Variants in RXFP1 observed in about 807,000 individuals in gnomAD.
The protein encoded by RXFP1 is relaxin receptor 1.
Under a neutral mutation model 89.8 loss-of-function variants are expected in RXFP1, and 73 were observed. The ratio of observed to expected loss-of-function variants is 0.81; its 90% CI spans 0.67 to 0.99. The LOEUF (loss-of-function observed/expected upper bound fraction) is 0.99. Among genes scored for constraint, RXFP1 ranks in the 50% least tolerant of loss-of-function variants. The probability of loss-of-function intolerance (pLI) is 0.00; values close to 1 mark genes in which losing one functional copy is unlikely to be tolerated. For synonymous variants in RXFP1, 277 were observed against 305.5 expected (o/e 0.91, Z 0.97); for missense variants, 793 against 895.5 (o/e 0.89, Z 1.46).
At chr4:158,626,120 A>C (rs958998580) in intron 9 of RXFP1, among the ~76,000 whole-genome samples, 20 of 63,552 alleles carry the variant, frequency 3.1e-4, no homozygotes, top group Non-Finnish European at 8.3e-4. Context: ...ATATAGATAG[A>C]TAGATAGATA....
chr4:158,653,357 A>AT lies in RXFP1; in HGVS notation c.*1305dup, dbSNP rs1283571839. On this transcript the variant is annotated 3_prime_UTR_variant, in exon 18 of 18. Transcript: ENST00000307765. ...TTGTTCTGAAAATAAATTATCTGAA[A>AT]TTTAACTATTAAAAATGGATTGCTT... 1 of 152,064 alleles carries AT rather than the reference A, an allele frequency of 6.6e-6. No individual in the cohort carries two copies. Among genetic ancestry groups the AT allele is most frequent in the Admixed American group, 6.6e-5 (1 of 15,260 alleles). The allele number at this position is 152,064 out of a possible 1,614,324, so 9.4% of individuals were successfully genotyped here. A position where few individuals can be genotyped will look rare whatever the true frequency, so the allele number is the denominator to read the frequency against.
intron 13 of RXFP1, among the ~76,000 whole-genome samples, chr4:158,638,967 T>A (rs1033480844): frequency 6.6e-6 from 1 of 152,208 alleles, no homozygotes; most frequent in South Asian, 2.1e-4. Context: ...GTACAAAAGA[T>A]AATGCTTGTG....
intron 1 of RXFP1, among the ~76,000 whole-genome samples, chr4:158,563,810 C>T (rs899271095): frequency 3.3e-5 from 5 of 150,298 alleles, no homozygotes; most frequent in Middle Eastern, 3.5e-3. Context: ...TTCCTATCAC[C>T]TAGTGACATT....
At chr4:158,607,098 T>C (rs901234212) in intron 5 of RXFP1, 41 of 1,535,912 alleles carry the variant, frequency 2.7e-5, no homozygotes, top group Middle Eastern at 1.7e-4. Context: ...AAGGCAGCCT[T>C]GAAATCCTTA....
intron 1 of RXFP1, among the ~76,000 whole-genome samples, chr4:158,538,179 C>T (rs1393000789): frequency 6.6e-6 from 1 of 152,128 alleles, no homozygotes; most frequent in African/African-American, 2.4e-5. Context: ...GATTTTATTC[C>T]AAGAACAATG....
chr4:158,555,166 G>T (rs1176908721), intron 1 of RXFP1, among the ~76,000 whole-genome samples: 2 of 152,034 alleles, frequency 1.3e-5, no homozygotes, highest in Non-Finnish European at 2.9e-5. Flanking sequence ...CTGAGTTATT[G>T]TTTACATGAG....
chr4:158,528,342 C>T (rs1560945192), intron 1 of RXFP1, among the ~76,000 whole-genome samples: 1 of 152,010 alleles, frequency 6.6e-6, no homozygotes, highest in Non-Finnish European at 1.5e-5. Flanking sequence ...CCCATCTCTA[C>T]AAAAAATACA....
At chr4:158,542,098 TATATATA>T (rs1201796571) in intron 1 of RXFP1, among the ~76,000 whole-genome samples, 4,650 of 49,720 alleles carry the variant, frequency 0.094, 599 homozygotes, top group South Asian at 0.33. Flanking sequence ...TATATATATA[TATATATA>T]TATATTTTTT....
At chr4:158,567,090 C>A (rs563059525) in intron 1 of RXFP1, among the ~76,000 whole-genome samples, 2 of 152,218 alleles carry the variant, frequency 1.3e-5, no homozygotes, top group African/African-American at 4.8e-5. Flanking sequence ...CCTGGGCCAG[C>A]AGCTGCTGTG....
intron 3 of RXFP1, 95 bp downstream of exon 3, chr4:158,593,594 A>C: frequency 8.2e-5 from 51 of 624,184 alleles, no homozygotes; most frequent in Non-Finnish European, 1.2e-4. Context: ...ATTGCATCTC[A>C]ATCTGGAAAT....
chr4:158,539,880 G>A (rs1191121585), intron 1 of RXFP1, among the ~76,000 whole-genome samples: 1 of 152,128 alleles, frequency 6.6e-6, no homozygotes, highest in Non-Finnish European at 1.5e-5. Flanking sequence ...CAGATTTCAA[G>A]TCATAAACAC....
chr4:158,582,847 C>A (rs1476923001), intron 2 of RXFP1, among the ~76,000 whole-genome samples: 2 of 152,242 alleles, frequency 1.3e-5, no homozygotes, highest in African/African-American at 2.4e-5. Context: ...CCCCTCCACT[C>A]TCTCTGGTGC....
rs149350605 is a variant in RXFP1 at position 158,522,270 on chromosome 4, C to T, written c.49+245C>T. ...CGTGTAAACCTAGGCTTCATAATAA[C>T]CAATTCATATAATTGATATTTTAAG... On this transcript the variant is annotated intron_variant, in intron 1 of 17. Coordinates refer to ENST00000307765, the MANE Select transcript of RXFP1 (RefSeq NM_021634.4). 2.5e-4 allele frequency among the ~76,000 whole-genome samples: 38 copies of T among 152,198 alleles called. No homozygotes were observed. In the East Asian group the frequency reaches 6.7e-3, roughly 27 times the overall value.
At chr4:158,617,282 G>T in intron 9 of RXFP1, 77 bp downstream of exon 9, 5 of 1,085,072 alleles carry the variant, frequency 4.6e-6, no homozygotes, top group Non-Finnish European at 6.8e-6. Context: ...ATATAAGATT[G>T]TTTTAGTTTT....
At chr4:158,532,078 TC>T (rs1213263533) in intron 1 of RXFP1, among the ~76,000 whole-genome samples, 2 of 151,862 alleles carry the variant, frequency 1.3e-5, no homozygotes, top group African/African-American at 4.8e-5. Context: ...TTCAGAATTT[TC>T]CCCCCCTCCT....
chr4:158,548,907 G>A (rs1394987813), intron 1 of RXFP1, among the ~76,000 whole-genome samples: 8 of 151,820 alleles, frequency 5.3e-5, no homozygotes, highest in Admixed American at 5.3e-4. Context: ...TTCAACTTTG[G>A]TGAATCTGAA....
intron 2 of RXFP1, among the ~76,000 whole-genome samples, chr4:158,580,051 C>T (rs1225664055): frequency 5.3e-5 from 8 of 152,182 alleles, no homozygotes; most frequent in Admixed American, 3.3e-4. Flanking sequence ...AGGCAGAAGA[C>T]GGGTGAGAGG....
At chr4:158,542,107 A>ATTT (rs1438929204) in intron 1 of RXFP1, among the ~76,000 whole-genome samples, 5 of 28,212 alleles carry the variant, frequency 1.8e-4, no homozygotes, top group African/African-American at 3.9e-4. Context: ...ATATATATAT[A>ATTT]TATTTTTTTT....
chr4:158,588,410 G>A (rs942768961), intron 2 of RXFP1, among the ~76,000 whole-genome samples: 3 of 152,188 alleles, frequency 2.0e-5, no homozygotes, highest in Non-Finnish European at 4.4e-5. Context: ...CTTCTCAGAA[G>A]GGCTGGAAGA....
Sources: gnomAD v4.1 joint callset for allele counts (sites outside exome capture counted in the v4.1 genomes callset) on GRCh38, gnomAD v4.1.1 for gene constraint, MANE v1.5 for transcripts, NCBI Gene and HGNC (gene_info 2026-07-23, HGNC 2026-07-21) for gene names.